Variants in POLR3B observed in about 807,000 individuals in gnomAD.
POLR3B encodes the protein RNA polymerase III subunit B.
POLR3B carries 96 observed loss-of-function variants against 147.4 expected under a neutral mutation model. That is an observed-to-expected ratio of 0.65 (90% CI 0.55 to 0.77). The LOEUF (loss-of-function observed/expected upper bound fraction) is 0.77. Among genes scored for constraint, POLR3B ranks in the 30% least tolerant of loss-of-function variants. The pLI, the probability that POLR3B is intolerant of heterozygous loss-of-function variation, is 0.00. For synonymous variants in POLR3B, 461 were observed against 485.9 expected (o/e 0.95, Z 0.67); for missense variants, 1,036 against 1,413.5 (o/e 0.73, Z 4.28).
At chr12:106,454,377 T>C (rs2037837804) in intron 19 of POLR3B, 125 bp from the exon 20 acceptor site, 1 of 666,636 alleles carries the variant, frequency 1.5e-6, no homozygotes, top group Admixed American at 2.2e-5. Context: ...GCTTTTGAAA[T>C]GTTGAACCTG....
At chr12:106,369,711 A>G (rs748336584) in intron 6 of POLR3B, 28 bp downstream of exon 6, 13 of 1,354,346 alleles carry the variant, frequency 9.6e-6, no homozygotes, top group Middle Eastern at 3.6e-4. Context: ...TATTAGAGCC[A>G]CACTGCCTGG....
At chr12:106,454,127 T>C (rs2037834383) in intron 19 of POLR3B, among the ~76,000 whole-genome samples, 2 of 152,200 alleles carry the variant, frequency 1.3e-5, no homozygotes, top group Admixed American at 1.3e-4. Flanking sequence ...ATGTGAACAC[T>C]GGGCGTTGTT....
At chr12:106,488,334 T>C (rs2038368338) in intron 23 of POLR3B, among the ~76,000 whole-genome samples, 1 of 152,212 alleles carries the variant, frequency 6.6e-6, no homozygotes, top group Admixed American at 6.5e-5. Context: ...GTTCATCCTT[T>C]AGTAGTATGC....
At chr12:106,368,551 A>C (rs550893268) in intron 4 of POLR3B, among the ~76,000 whole-genome samples, 2 of 152,310 alleles carry the variant, frequency 1.3e-5, no homozygotes, top group African/African-American at 4.8e-5. Flanking sequence ...AAAATTTTTC[A>C]ATCCTAGACT....
intron 19 of POLR3B, among the ~76,000 whole-genome samples, chr12:106,454,191 T>C (rs1432853252): frequency 6.6e-6 from 1 of 152,218 alleles, no homozygotes; most frequent in African/African-American, 2.4e-5. Context: ...AAATAAAGAA[T>C]TGTTGATTGT....
intron 9 of POLR3B, among the ~76,000 whole-genome samples, chr12:106,381,741 C>A (rs772807014): frequency 2.6e-5 from 4 of 152,056 alleles, no homozygotes; most frequent in Non-Finnish European, 4.4e-5. Context: ...TACAAACATT[C>A]TTTTTTTTAA....
intron 25 of POLR3B, 84 bp from the exon 26 acceptor site, chr12:106,501,239 G>A: frequency 1.2e-6 from 1 of 814,330 alleles, no homozygotes; most frequent in Non-Finnish European, 2.2e-6. Context: ...AATGAGTAAG[G>A]ACCTGCCAGT....
At chr12:106,466,981 C>T (rs974465301) in intron 23 of POLR3B, among the ~76,000 whole-genome samples, 1 of 152,254 alleles carries the variant, frequency 6.6e-6, no homozygotes. Context: ...TTCTCTGGTT[C>T]TGTGAAGTAA....
In POLR3B at chr12:106,357,807, G is replaced by C. The variant is rs2036405655; in HGVS notation, c.-73G>C. The C allele has an allele frequency of 6.9e-7, 1 of 1,439,568 alleles. No individual in the cohort carries two copies. The highest frequency in any genetic ancestry group is 1.4e-5 in the African/African-American group (1 of 71,866). 89.2% of individuals were successfully genotyped at this position (1,439,568 alleles called of 1,614,324 possible). ...GGCCTCCGCGCACCGTTCGCCGGGA[G>C]TCTTGCAGTTTGCTTGGTGCAGGGA... On this transcript the variant is annotated 5_prime_UTR_variant, in exon 1 of 28. Coordinates refer to ENST00000228347, the MANE Select transcript of POLR3B (RefSeq NM_018082.6).
intron 9 of POLR3B, among the ~76,000 whole-genome samples, chr12:106,386,684 G>A (rs907998335): frequency 6.6e-6 from 1 of 152,024 alleles, no homozygotes; most frequent in Non-Finnish European, 1.5e-5. Flanking sequence ...GAGGTGGGCG[G>A]ATCACGAGGT....
chr12:106,480,344 G>A (rs2038248667), intron 23 of POLR3B, among the ~76,000 whole-genome samples: 1 of 152,306 alleles, frequency 6.6e-6, no homozygotes, highest in Non-Finnish European at 1.5e-5. Context: ...TCATTGCTGG[G>A]TGGTCAGGTA....
At chr12:106,490,699 G>A (rs554036012) in intron 23 of POLR3B, among the ~76,000 whole-genome samples, 1 of 152,192 alleles carries the variant, frequency 6.6e-6, no homozygotes, top group Non-Finnish European at 1.5e-5. Context: ...GCTGGAAAAG[G>A]GGAGGGGAAG....
At chr12:106,498,680 G>A (rs1251266409) in intron 25 of POLR3B, among the ~76,000 whole-genome samples, 1 of 152,050 alleles carries the variant, frequency 6.6e-6, no homozygotes, top group African/African-American at 2.4e-5. Flanking sequence ...TTCCCGGGGG[G>A]GTTCAAGCAA....
At chr12:106,419,772 G>A (rs1256257762) in intron 12 of POLR3B, among the ~76,000 whole-genome samples, 1 of 120,846 alleles carries the variant, frequency 8.3e-6, no homozygotes, top group Non-Finnish European at 1.7e-5. Context: ...TTTATTTATA[G>A]TGAGCCAGAT....
intron 19 of POLR3B, among the ~76,000 whole-genome samples, chr12:106,449,392 G>A (rs2037768678): frequency 2.0e-5 from 3 of 152,042 alleles, no homozygotes; most frequent in African/African-American, 4.8e-5. Context: ...GTTGACTCTT[G>A]AACAACACAG....
intron 6 of POLR3B, among the ~76,000 whole-genome samples, chr12:106,373,480 A>C (rs2036636698): frequency 6.6e-6 from 1 of 152,148 alleles, no homozygotes; most frequent in African/African-American, 2.4e-5. Flanking sequence ...TGGGCTGGGC[A>C]CAGTGGCTCA....
intron 11 of POLR3B, 24 bp from the exon 12 acceptor site, chr12:106,410,802 T>C: frequency 6.2e-7 from 1 of 1,611,466 alleles, no homozygotes; most frequent in African/African-American, 1.3e-5. Context: ...TTCTCAAAAT[T>C]TTTCTCCAAT....
chr12:106,366,688 G>A lies in POLR3B; in HGVS notation c.193G>A (p.Val65Ile), dbSNP rs767784504. ...GAAGATAATGAAAGCCAATGAAAAG[G>A]TTACAAGTGACGCTGACCCTATGTG... is the stretch of plus-strand genomic sequence containing the variant. Reference protein sequence around the residue: ...IKKIMKANEKVTSDADPMWYL... With the variant: ...IKKIMKANEKITSDADPMWYL... Residue 65 changes from valine (V) to isoleucine (I), a missense_variant, in exon 4 of 28, where the codon GTT (valine) becomes ATT (isoleucine). Coordinates refer to ENST00000228347, the MANE Select transcript of POLR3B (RefSeq NM_018082.6). The A allele has an allele frequency of 6.2e-7, 1 of 1,613,770 alleles. No individual in the cohort carries two copies. Among genetic ancestry groups the A allele is most frequent in the Admixed American group, 1.7e-5 (1 of 60,006 alleles).
At chr12:106,433,618 T>G in intron 15 of POLR3B, 101 bp from the exon 16 acceptor site, 1 of 934,132 alleles carries the variant, frequency 1.1e-6, no homozygotes, top group Non-Finnish European at 1.6e-6. Context: ...TATTTTCAAA[T>G]AACTGCTTAG....
Sources: gnomAD v4.1 joint callset for allele counts (sites outside exome capture counted in the v4.1 genomes callset) on GRCh38, gnomAD v4.1.1 for gene constraint, MANE v1.5 for transcripts, NCBI Gene and HGNC (gene_info 2026-07-23, HGNC 2026-07-21) for gene names.